Variants in SEC31A observed in about 807,000 individuals in gnomAD.
SEC31A encodes the protein protein transport protein Sec31A.
Under a neutral mutation model 151.0 loss-of-function variants are expected in SEC31A, and 70 were observed. That is an observed-to-expected ratio of 0.46 (90% confidence interval 0.38 to 0.57). The LOEUF (loss-of-function observed/expected upper bound fraction) is 0.57, where lower values mean the gene tolerates loss of function less well. Among genes scored for constraint, SEC31A ranks in the 20% least tolerant of loss-of-function variants. The pLI, the probability that SEC31A is intolerant of heterozygous loss-of-function variation, is 0.00. For missense variants in SEC31A, 1,330 were observed against 1,471.2 expected (o/e 0.90, Z 1.57); for synonymous variants, 475 against 505.9 (o/e 0.94, Z 0.82).
intron 25 of SEC31A, among the ~76,000 whole-genome samples, chr4:82,822,584 C>T (rs548146718): frequency 1.2e-4 from 18 of 152,152 alleles, no homozygotes; most frequent in Admixed American, 1.1e-3. Context: ...GCTGTTTAGA[C>T]ATAAAGTGAA....
At chr4:82,890,838 A>C in intron 1 of SEC31A, 1 of 1,325,256 alleles carries the variant, frequency 7.5e-7, no homozygotes, top group Non-Finnish European at 9.6e-7. Context: ...CACTGTCGCC[A>C]GCCTCGGGTG....
intron 1 of SEC31A, among the ~76,000 whole-genome samples, chr4:82,887,718 T>C (rs1477608172): frequency 6.6e-6 from 1 of 152,230 alleles, no homozygotes; most frequent in Non-Finnish European, 1.5e-5. Flanking sequence ...ATGACAGTTA[T>C]TACAAACATC....
intron 3 of SEC31A, among the ~76,000 whole-genome samples, chr4:82,880,132 G>A (rs186561769): frequency 1.3e-5 from 2 of 151,556 alleles, no homozygotes; most frequent in East Asian, 1.9e-4. Context: ...GTGGTGAGCC[G>A]AGATTGCGCC....
chr4:82,822,497 G>A (rs1182649742), intron 25 of SEC31A, among the ~76,000 whole-genome samples: 1 of 152,210 alleles, frequency 6.6e-6, no homozygotes, highest in African/African-American at 2.4e-5. Context: ...AGGAATGCCA[G>A]TGTGCTTGGA....
At chr4:82,832,287 G>T (rs1726124670) in intron 22 of SEC31A, among the ~76,000 whole-genome samples, 1 of 152,126 alleles carries the variant, frequency 6.6e-6, no homozygotes. Flanking sequence ...TGACAAACCT[G>T]ACACACACAA....
chr4:82,857,241 A>C, intron 15 of SEC31A, 111 bp from the exon 16 acceptor site: 1 of 858,420 alleles, frequency 1.2e-6, no homozygotes, highest in Non-Finnish European at 1.8e-6. Flanking sequence ...GGAGACCACA[A>C]CACTAATTTC....
At chr4:82,858,742 A>G (rs943214801) in intron 14 of SEC31A, among the ~76,000 whole-genome samples, 16 of 151,102 alleles carry the variant, frequency 1.1e-4, no homozygotes, top group African/African-American at 3.4e-4. Flanking sequence ...TCACTCTGTC[A>G]CCCAGGCTGG....
chr4:82,825,726 G>C (rs541505691), intron 24 of SEC31A, among the ~76,000 whole-genome samples: 1 of 152,322 alleles, frequency 6.6e-6, no homozygotes, highest in Non-Finnish European at 1.5e-5. Flanking sequence ...CCAAATTAGA[G>C]ATGGATCAAA....
rs1738596508 is a variant in SEC31A, at chr4:82,878,800, T to C, written c.332A>G (p.Lys111Arg). Residue 111 changes from lysine to arginine, a missense_variant, in exon 4 of 27, where the codon AAG becomes AGG. Lys to Arg is a conservative substitution (Grantham distance 26, BLOSUM62 2). Transcript: ENST00000395310. ...GTCATTCTGGGCAATCACAACTTCCTTGTCTCCAGCTATAATTTTAGAAGG... is the reference window on the plus strand; with the variant it reads ...GTCATTCTGGGCAATCACAACTTCCCTGTCTCCAGCTATAATTTTAGAAGG... Reference protein sequence around the residue: ...YDPSKIIAGDKEVVIAQNDKH... With the variant: ...YDPSKIIAGDREVVIAQNDKH... 6.2e-7 allele frequency: 1 copy of C among 1,613,980 alleles called. No individual in the cohort carries two copies. Among genetic ancestry groups the C allele is most frequent in the African/African-American group, 1.3e-5 (1 of 74,926 alleles).
chr4:82,891,192 T>G (rs866810359), upstream of SEC31A: 1 of 1,533,534 alleles, frequency 6.5e-7, no homozygotes, highest in Non-Finnish European at 8.7e-7. Flanking sequence ...CACCTCCACG[T>G]TCCGTTCCAA....
chr4:82,885,103 CTCT>C (rs1436190509), intron 1 of SEC31A, among the ~76,000 whole-genome samples: 3 of 152,042 alleles, frequency 2.0e-5, no homozygotes, highest in Non-Finnish European at 4.4e-5. Context: ...TGAATTCCAC[CTCT>C]TGTTTGCCTT....
chr4:82,875,656 G>T, intron 5 of SEC31A, 71 bp downstream of exon 5: 1 of 805,592 alleles, frequency 1.2e-6, no homozygotes, highest in Non-Finnish European at 2.1e-6. Context: ...CCTTAAAAGT[G>T]AAATAAGTAG....
In SEC31A at chr4:82,842,462, C is replaced by T. The variant is rs750053506; in HGVS notation, c.2646G>A (p.Pro882=). Residue 882 remains proline, a synonymous_variant, in exon 22 of 27, where the codon CCG becomes CCA. Coordinates refer to ENST00000395310, the MANE Select transcript of SEC31A (RefSeq NM_001077207.4). The part of the protein sequence containing the change: ...PQPQPYQPAQ[P]YPFGTGGSAM... ...CTGACCCCCCTGTTCCGAAGGGATA[C>T]GGCTGGGCTGGTTGATAAGCTACAC... 9.3e-6 allele frequency: 15 copies of T among 1,611,730 alleles called. No homozygotes were observed. Among genetic ancestry groups the T allele is most frequent in the East Asian group, 2.2e-5 (1 of 44,832 alleles).
intron 8 of SEC31A, among the ~76,000 whole-genome samples, chr4:82,868,897 C>T (rs142836518): frequency 2.6e-5 from 4 of 152,094 alleles, no homozygotes; most frequent in African/African-American, 9.6e-5. Context: ...GTTTCACCAG[C>T]CTGCCTTGCC....
At chr4:82,842,612 AT>A in intron 21 of SEC31A, 131 bp from the exon 22 acceptor site, 1 of 707,626 alleles carries the variant, frequency 1.4e-6, no homozygotes, top group Non-Finnish European at 2.3e-6. Flanking sequence ...CAAATTAAAA[AT>A]TTACACCATT....
At chr4:82,880,380 A>C (rs1470837932) in intron 3 of SEC31A, among the ~76,000 whole-genome samples, 1 of 152,080 alleles carries the variant, frequency 6.6e-6, no homozygotes, top group Non-Finnish European at 1.5e-5. Context: ...GCTTGAGGTC[A>C]AGAGTTCAAA....
Position 82,837,199 on chromosome 4 carries a change from A to ATACATAT in SEC31A, c.2968+4940_2968+4941insATATGTA, listed in dbSNP as rs56888042. The stretch of plus-strand genomic sequence containing the variant: ...TATATATATATATATATATATATAT[A>ATACATAT]ATTTCACCACAATAAAAACTTTAAT... On this transcript the variant is annotated intron_variant, in intron 22 of 26. Transcript: ENST00000395310. Among the ~76,000 whole-genome samples the ATACATAT allele has an allele frequency of 6.6e-4, 55 of 83,136 alleles. 5 individuals carry two copies. The highest frequency in any genetic ancestry group is 1.1e-3 in the Non-Finnish European group (46 of 41,042). The allele number at this position is 83,136 out of a possible 152,430, so 54.5% of individuals were successfully genotyped here. A position where few individuals can be genotyped will look rare whatever the true frequency, so the allele number is the denominator to read the frequency against.
rs1344797811 is a variant in SEC31A at position 82,880,896 on chromosome 4, T to C, written c.106A>G (p.Thr36Ala). 14 of 1,610,074 alleles carry C rather than the reference T, an allele frequency of 8.7e-6. No homozygotes were observed. Among genetic ancestry groups the C allele is most frequent in the Non-Finnish European group, 5.1e-6 (6 of 1,176,908 alleles). The change falls in exon 3 of 27, where the codon ACA (threonine) becomes GCA (alanine). Residue 36 changes from threonine to alanine, a missense_variant. Thr to Ala is a moderately conservative substitution (Grantham distance 58, BLOSUM62 0). Coordinates refer to ENST00000395310, the MANE Select transcript of SEC31A (RefSeq NM_001077207.4). ...TCAAGGGAAGCATTCGTACTAAATGTTGCATCCAATTGCTGAGCAGATGTT... is the reference window on the plus strand; with the variant it reads ...TCAAGGGAAGCATTCGTACTAAATGCTGCATCCAATTGCTGAGCAGATGTT... ...TGTSAQQLDA[T>A]FSTNASLEIF...
At chr4:82,900,551 G>A (rs1578438290), upstream of SEC31A, 1 of 534,784 alleles carries the variant, frequency 1.9e-6, no homozygotes, top group Non-Finnish European at 3.3e-6. Context: ...CCAACGCGGA[G>A]GGAGGAGCGG....
Sources: allele counts gnomAD v4.1 joint callset (sites outside exome capture counted in the v4.1 genomes callset), GRCh38; gene constraint gnomAD v4.1.1; transcripts MANE v1.5; gene names NCBI Gene and HGNC (gene_info 2026-07-23, HGNC 2026-07-21).